DMAC2L: variants seen among roughly 807,000 people sequenced by gnomAD.
DMAC2L encodes the protein ATP synthase subunit s, mitochondrial.
A neutral mutation model predicts 22.5 loss-of-function variants in DMAC2L; 21 were observed. That is an observed-to-expected ratio of 0.93 (90% CI 0.66 to 1.34). The LOEUF (loss-of-function observed/expected upper bound fraction) is 1.34, where lower values mean the gene tolerates loss of function less well. Ranked by LOEUF, DMAC2L falls within the 40% of genes most tolerant of loss-of-function variation. DMAC2L has a pLI of 0.00. For synonymous variants in DMAC2L, 86 were observed against 89.5 expected, an observed-to-expected ratio of 0.96 and a Z score of 0.22; for missense variants, 239 against 246.5, an observed-to-expected ratio of 0.97 and a Z score of 0.20.
chr14:50,312,465 G>C (rs900650478), intron 1 of DMAC2L, 76 bp downstream of exon 1: 12 of 457,418 alleles, frequency 2.6e-5, no homozygotes, highest in Admixed American at 3.6e-5. Context: ...CGTCGCCAAC[G>C]CTGGGCTGAC....
At position 50,321,545 on chromosome 14, in the gene DMAC2L, T is replaced by C. The variant is rs2032275478; in HGVS notation, c.58T>C (p.Ser20Pro). The C allele has an allele frequency of 1.2e-6, 2 of 1,614,010 alleles. No homozygotes were observed. The highest frequency in any genetic ancestry group is 1.7e-6 in the Non-Finnish European group (2 of 1,179,986). The change falls in exon 3 of 6, where the codon TCA becomes CCA. Residue 20 changes from serine to proline, a missense_variant. Transcript: ENST00000557421. ...GTGTGGCGTAAAGAAACTCCCATGG[T>C]CATGTGACTCCAGATACTTCTGGGG... is the stretch of plus-strand genomic sequence containing the variant. ...QLCGVKKLPW[S>P]CDSRYFWGWL...
In DMAC2L at chr14:50,325,775, A is replaced by C; in HGVS notation, c.*52A>C. On this transcript the variant is annotated 3_prime_UTR_variant, in exon 6 of 6. Coordinates refer to ENST00000557421, the MANE Select transcript of DMAC2L (RefSeq NM_001382507.1). ...GGATCATTTGAAACTGTTGATTCCA[A>C]ACATCAACTAATATTATATAGTCAT... The C allele has an allele frequency of 6.4e-7, 1 of 1,572,818 alleles. No homozygotes were observed. Among genetic ancestry groups the C allele is most frequent in the Non-Finnish European group, 8.6e-7 (1 of 1,163,546 alleles).
rs1008708508 is a variant in DMAC2L at position 50,324,482 on chromosome 14, T to G, written c.488+366T>G. The stretch of plus-strand genomic sequence containing the variant: ...ACATTTGGTATATACCTATTAGCAT[T>G]TTACTGTGTAATTATTTTGCTTGAG... On this transcript the variant is annotated intron_variant, in intron 5 of 5. Transcript: ENST00000557421. 7 of 155,154 alleles carry G rather than the reference T, an allele frequency of 4.5e-5. No homozygotes were observed. In the South Asian group the frequency reaches 6.0e-4, roughly 13 times the overall value. The allele number at this position is 155,154 out of a possible 1,614,324, so 9.6% of individuals were successfully genotyped here.
At chr14:50,319,354 T>G in intron 2 of DMAC2L, 1 of 1,535,596 alleles carries the variant, frequency 6.5e-7, no homozygotes, top group South Asian at 1.2e-5. Flanking sequence ...GGCCTCAGCA[T>G]CCTCAATCAC....
At chr14:50,311,557 G>A (rs45592939), upstream of DMAC2L, 12 of 444,414 alleles carry the variant, frequency 2.7e-5, no homozygotes, top group Non-Finnish European at 4.5e-5. Flanking sequence ...ACACTATGCG[G>A]GGTGTGCCAG....
At position 50,322,724 on chromosome 14, in the gene DMAC2L, C is replaced by T. The variant is rs371139878; in HGVS notation, c.316+5C>T. 4 of 1,614,208 alleles carry T rather than the reference C, an allele frequency of 2.5e-6. No homozygotes were observed. The highest frequency in any genetic ancestry group is 1.1e-5 in the South Asian group (1 of 91,080). ...GCATTGGATTTGATCACATGGGTAA[C>T]TACCCTATCGTTTTGCTAATAGAAA... On this transcript the variant is annotated splice_donor_5th_base_variant and intron_variant, in intron 4 of 5. Coordinates refer to ENST00000557421, the MANE Select transcript of DMAC2L (RefSeq NM_001382507.1).
upstream of DMAC2L, chr14:50,311,986 G>A (rs746267142): frequency 4.5e-6 from 7 of 1,549,438 alleles, no homozygotes; most frequent in East Asian, 1.2e-4. Flanking sequence ...AGCGCAGGCG[G>A]CGGGGAGGAC....
upstream of DMAC2L, chr14:50,312,063 C>G (rs766016839): frequency 6.3e-7 from 1 of 1,596,616 alleles, no homozygotes; most frequent in Admixed American, 1.7e-5. Flanking sequence ...CTCCCAGACG[C>G]GAACCCGCAC....
Position 50,326,538 on chromosome 14 carries a change from T to C in DMAC2L, c.*815T>C, listed in dbSNP as rs2032710961. 1.0e-6 allele frequency: 1 copy of C among 985,486 alleles called. No homozygotes were observed. Among genetic ancestry groups the C allele is most frequent in the Non-Finnish European group, 1.2e-6 (1 of 829,934 alleles). The allele number at this position is 985,486 out of a possible 1,614,324, so 61.0% of individuals were successfully genotyped here. ...CAACAGGATTTGCGTGCATTTCCCA[T>C]GATCCTGCATTCTTGTGTTCTTGAT... On this transcript the variant is annotated 3_prime_UTR_variant, in exon 6 of 6. Coordinates refer to ENST00000557421, the MANE Select transcript of DMAC2L (RefSeq NM_001382507.1).
chr14:50,314,254 A>C (rs919142568), intron 1 of DMAC2L, among the ~76,000 whole-genome samples: 3 of 152,228 alleles, frequency 2.0e-5, no homozygotes, highest in African/African-American at 7.2e-5. Flanking sequence ...AATGAGCCTC[A>C]CAAGATGTGA....
chr14:50,321,724 C>A, intron 3 of DMAC2L, 130 bp downstream of exon 3: 1 of 554,534 alleles, frequency 1.8e-6, no homozygotes, highest in Non-Finnish European at 3.1e-6. Context: ...TACAAACAAA[C>A]AAAACCCACA....
At chr14:50,311,890 C>T, upstream of DMAC2L, 1 of 1,362,614 alleles carries the variant, frequency 7.3e-7, no homozygotes, top group Non-Finnish European at 1.0e-6. Flanking sequence ...TGGAGTGCCA[C>T]AGGACCCCAA....
intron 1 of DMAC2L, among the ~76,000 whole-genome samples, chr14:50,314,164 C>T (rs2031552858): frequency 6.6e-6 from 1 of 152,118 alleles, no homozygotes. Context: ...CTCACCATTC[C>T]CATGTGTTGT....
In DMAC2L at chr14:50,321,525, G is replaced by T; in HGVS notation, c.38G>T (p.Gly13Val). Residue 13 changes from glycine (G) to valine (V), a missense_variant, in exon 3 of 6, where the codon GGC (glycine) becomes GTC (valine). Physicochemically the swap from Gly to Val is moderately radical, Grantham distance 109 (BLOSUM62 -3). Coordinates refer to ENST00000557421, the MANE Select transcript of DMAC2L (RefSeq NM_001382507.1). Reference protein sequence around the residue: ...PFGKISQQLCGVKKLPWSCDS... With the variant: ...PFGKISQQLCVVKKLPWSCDS... ...GGAAAAATTTCCCAGCAGTTGTGTGGCGTAAAGAAACTCCCATGGTCATGT... is the reference window on the plus strand; with the variant it reads ...GGAAAAATTTCCCAGCAGTTGTGTGTCGTAAAGAAACTCCCATGGTCATGT... The T allele has an allele frequency of 6.2e-7, 1 of 1,614,114 alleles. No homozygotes were observed. Among genetic ancestry groups the T allele is most frequent in the South Asian group, 1.1e-5 (1 of 91,082 alleles).
At chr14:50,313,097 G>A in intron 1 of DMAC2L, 1 of 1,513,108 alleles carries the variant, frequency 6.6e-7, no homozygotes, top group South Asian at 1.1e-5. Flanking sequence ...AAAAATGAGG[G>A]CGATGGGCTG....
chr14:50,321,622 A>T (rs2032284503), intron 3 of DMAC2L, 28 bp downstream of exon 3: 1 of 1,517,866 alleles, frequency 6.6e-7, no homozygotes, highest in East Asian at 2.3e-5. Context: ...AAGTGAAGAA[A>T]TGTGGAGATG....
upstream of DMAC2L, chr14:50,312,176 G>T (rs780832750): frequency 6.2e-7 from 1 of 1,607,470 alleles, no homozygotes. Context: ...CCCTCCCTCA[G>T]CGCTCAGAAG....
intron 2 of DMAC2L, among the ~76,000 whole-genome samples, chr14:50,317,812 C>G (rs1194120446): frequency 6.6e-6 from 1 of 151,222 alleles, no homozygotes; most frequent in African/African-American, 2.4e-5. Context: ...GAGTCGGCAT[C>G]CTTATCTTGT....
Position 50,325,824 on chromosome 14 carries a change from A to C in DMAC2L, c.*101A>C. On this transcript the variant is annotated 3_prime_UTR_variant, in exon 6 of 6. Transcript: ENST00000557421. ...ATCAGTAGAATTATAAGGATGCCAT[A>C]TCATGACATTTTAGAAGTGGAGAGT... 6.9e-7 allele frequency: 1 copy of C among 1,455,608 alleles called. No individual in the cohort carries two copies. Among genetic ancestry groups the C allele is most frequent in the Non-Finnish European group, 9.0e-7 (1 of 1,106,068 alleles). 90.2% of individuals were successfully genotyped at this position (1,455,608 alleles called of 1,614,324 possible). A position where few individuals can be genotyped will look rare whatever the true frequency, so the allele number is the denominator to read the frequency against.
Sources: allele counts gnomAD v4.1 joint callset (sites outside exome capture counted in the v4.1 genomes callset), GRCh38; gene constraint gnomAD v4.1.1; transcripts MANE v1.5; gene names NCBI Gene and HGNC (gene_info 2026-07-23, HGNC 2026-07-21).